NTNG1: variants seen among roughly 807,000 people sequenced by gnomAD.
The protein encoded by NTNG1 is netrin-G1.
A neutral mutation model predicts 54.0 loss-of-function variants in NTNG1; 16 were observed. The observed-to-expected ratio is 0.30, with a 90% confidence interval of 0.20 to 0.45. NTNG1 has a LOEUF of 0.45. Among genes scored for constraint, NTNG1 ranks in the 20% least tolerant of loss-of-function variants. NTNG1 has a pLI of 1.00. For synonymous variants in NTNG1, 255 were observed against 263.1 expected (o/e 0.97, Z 0.30); for missense variants, 530 against 678.7 (o/e 0.78, Z 2.43).
intron 2 of NTNG1, among the ~76,000 whole-genome samples, chr1:107,289,948 A>G (rs1189694351): frequency 1.3e-5 from 2 of 152,202 alleles, no homozygotes; most frequent in African/African-American, 4.8e-5. Context: ...CCCACTAAGA[A>G]CAATTATATT....
chr1:107,368,666 A>G (rs943965047), intron 3 of NTNG1, among the ~76,000 whole-genome samples: 3 of 152,096 alleles, frequency 2.0e-5, no homozygotes, highest in African/African-American at 7.3e-5. Context: ...CATATCAGGA[A>G]CATGAGACTT....
rs1273274420 is a variant in NTNG1 at position 107,217,290 on chromosome 1, A to G, written c.246+68451A>G. ...GTATTTCTGTGGTATTGGTTGTAAT[A>G]TCTTCCATTTCACTTCTAATTGAGC... On this transcript the variant is annotated intron_variant, in intron 2 of 7. Transcript: ENST00000370068. 6.6e-5 allele frequency among the ~76,000 whole-genome samples: 10 copies of G among 152,080 alleles called. No homozygotes were observed. The East Asian group carries it at 1.7e-3, about 26-fold the overall frequency.
intron 4 of NTNG1, among the ~76,000 whole-genome samples, chr1:107,399,043 C>T (rs1338867794): frequency 1.3e-5 from 2 of 152,176 alleles, no homozygotes; most frequent in East Asian, 1.9e-4. Context: ...ACCTATACCT[C>T]TCCTTCTCTG....
intron 3 of NTNG1, among the ~76,000 whole-genome samples, chr1:107,335,803 A>G (rs1418188205): frequency 6.6e-6 from 1 of 152,022 alleles, no homozygotes; most frequent in Non-Finnish European, 1.5e-5. Flanking sequence ...ATGAAGGTCC[A>G]ACAGGAAATT....
chr1:107,273,992 T>G (rs1484283443), intron 2 of NTNG1, among the ~76,000 whole-genome samples: 1 of 152,030 alleles, frequency 6.6e-6, no homozygotes, highest in Non-Finnish European at 1.5e-5. Context: ...TTCTGTGTCT[T>G]TGGAACTTAC....
intron 3 of NTNG1, among the ~76,000 whole-genome samples, chr1:107,388,579 A>G (rs1672166040): frequency 6.6e-6 from 1 of 152,226 alleles, no homozygotes; most frequent in African/African-American, 2.4e-5. Context: ...AAAAATGCAA[A>G]AAGCAATGAG....
At chr1:107,143,634 G>A (rs1452673980) in intron 1 of NTNG1, among the ~76,000 whole-genome samples, 1 of 152,116 alleles carries the variant, frequency 6.6e-6, no homozygotes, top group East Asian at 1.9e-4. Flanking sequence ...AGGTTAGTAT[G>A]AGATTTAGCA....
chr1:107,223,252 G>A (rs1240884462), intron 2 of NTNG1, among the ~76,000 whole-genome samples: 1 of 152,032 alleles, frequency 6.6e-6, no homozygotes. Flanking sequence ...ACGCAGGGGT[G>A]TGTGTGTGTC....
intron 2 of NTNG1, 146 bp from the exon 3 acceptor site, chr1:107,324,133 AGAG>A: frequency 5.7e-6 from 4 of 698,362 alleles, no homozygotes; most frequent in Non-Finnish European, 1.0e-5. Context: ...AAGCTATTAA[AGAG>A]GAGAATCCAG....
chr1:107,436,771 G>A lies in NTNG1; in HGVS notation c.1362G>A (p.Pro454=), dbSNP rs770103715. The A allele has an allele frequency of 1.1e-5, 18 of 1,612,998 alleles. No individual in the cohort carries two copies. The highest frequency in any genetic ancestry group is 6.7e-5 in the African/African-American group (5 of 74,878). The change falls in exon 7 of 8, where the codon CCG becomes CCA. Residue 454 remains proline, a synonymous_variant. Transcript: ENST00000370068. ...GGCCTAAGTGTGATGAGTGTCTGCC[G>A]GGAAATTCCTGGCACTACGGCTGTC... The part of the protein sequence containing the change: ...TTGPKCDECL[P]GNSWHYGCQP...
chr1:107,236,391 A>G (rs1235307647), intron 2 of NTNG1, among the ~76,000 whole-genome samples: 2 of 152,200 alleles, frequency 1.3e-5, no homozygotes, highest in Non-Finnish European at 2.9e-5. Context: ...GACAGACCTA[A>G]GGCATATGTG....
chr1:107,224,132 C>T (rs1398259987), intron 2 of NTNG1, among the ~76,000 whole-genome samples: 1 of 152,058 alleles, frequency 6.6e-6, no homozygotes, highest in African/African-American at 2.4e-5. Context: ...AGAAAGATGT[C>T]AAGGGTCACC....
chr1:107,462,293 AAAAATAGC>A (rs1677327643), intron 7 of NTNG1, among the ~76,000 whole-genome samples: 2 of 152,202 alleles, frequency 1.3e-5, no homozygotes, highest in African/African-American at 4.8e-5. Flanking sequence ...AATGATCAGG[AAAAATAGC>A]AAAGTAATTA....
intron 2 of NTNG1, among the ~76,000 whole-genome samples, chr1:107,196,369 G>A (rs2101239330): frequency 6.6e-6 from 1 of 152,076 alleles, no homozygotes; most frequent in East Asian, 1.9e-4. Context: ...CTTACTATAT[G>A]GAATAAATAA....
chr1:107,474,390 G>A (rs1213143974), intron 7 of NTNG1, among the ~76,000 whole-genome samples: 3 of 152,168 alleles, frequency 2.0e-5, no homozygotes, highest in African/African-American at 7.2e-5. Flanking sequence ...TCTTTAATTT[G>A]CAACTATATG....
intron 3 of NTNG1, among the ~76,000 whole-genome samples, chr1:107,331,605 A>G (rs933285053): frequency 8.5e-5 from 13 of 152,122 alleles, no homozygotes; most frequent in African/African-American, 2.9e-4. Context: ...AACTTTTATT[A>G]TGTACACCTG....
At chr1:107,255,773 A>G (rs1662893548) in intron 2 of NTNG1, among the ~76,000 whole-genome samples, 1 of 152,180 alleles carries the variant, frequency 6.6e-6, no homozygotes, top group Non-Finnish European at 1.5e-5. Context: ...AGTTCAGCAC[A>G]TTTAGAAATA....
intron 2 of NTNG1, among the ~76,000 whole-genome samples, chr1:107,211,823 G>T (rs1216570035): frequency 6.6e-6 from 1 of 152,148 alleles, no homozygotes; most frequent in Non-Finnish European, 1.5e-5. Context: ...AGGAAAGGAA[G>T]TCTAATGAAA....
chr1:107,376,198 A>G (rs1160771033), intron 3 of NTNG1, among the ~76,000 whole-genome samples: 3 of 152,134 alleles, frequency 2.0e-5, no homozygotes, highest in African/African-American at 4.8e-5. Context: ...AGGTGGGCGG[A>G]TCATGAGGTC....
Sources: gnomAD v4.1 joint callset for allele counts (sites outside exome capture counted in the v4.1 genomes callset) on GRCh38, gnomAD v4.1.1 for gene constraint, MANE v1.5 for transcripts, NCBI Gene and HGNC (gene_info 2026-07-23, HGNC 2026-07-21) for gene names.